EPHA6: variants seen among roughly 807,000 people sequenced by gnomAD.
The protein encoded by EPHA6 is ephrin type-A receptor 6.
In EPHA6, 50 loss-of-function variants were observed where a neutral mutation model predicts 112.0. The observed-to-expected ratio is 0.45, with a 90% CI of 0.36 to 0.56. EPHA6 has a LOEUF of 0.56. Among genes scored for constraint, EPHA6 ranks in the 20% least tolerant of loss-of-function variants. EPHA6 has a pLI of 0.00. For missense variants in EPHA6, 1,280 were observed against 1,417.4 expected, an observed-to-expected ratio of 0.90 and a Z score of 1.56; for synonymous variants, 529 against 490.7, an observed-to-expected ratio of 1.08 and a Z score of -1.03.
At chr3:96,878,139 A>G (rs1371917341) in intron 2 of EPHA6, among the ~76,000 whole-genome samples, 1 of 151,990 alleles carries the variant, frequency 6.6e-6, no homozygotes, top group African/African-American at 2.4e-5. Context: ...TCTCATATTC[A>G]TTATAAATAT....
intron 7 of EPHA6, among the ~76,000 whole-genome samples, chr3:97,457,927 G>T (rs2090746461): frequency 6.6e-6 from 1 of 151,958 alleles, no homozygotes; most frequent in South Asian, 2.1e-4. Flanking sequence ...AATTAGCCAG[G>T]CGTGGTAGCG....
At chr3:97,347,520 G>T (rs143957572) in intron 5 of EPHA6, among the ~76,000 whole-genome samples, 1 of 152,208 alleles carries the variant, frequency 6.6e-6, no homozygotes, top group African/African-American at 2.4e-5. Context: ...AGAGAATCAT[G>T]TATTCACACA....
intron 3 of EPHA6, among the ~76,000 whole-genome samples, chr3:97,204,727 A>G (rs939401308): frequency 6.6e-6 from 1 of 152,126 alleles, no homozygotes; most frequent in African/African-American, 2.4e-5. Flanking sequence ...AAAAAGGAAA[A>G]TTTATAAGTC....
At chr3:97,388,081 G>A (rs2086176658) in intron 5 of EPHA6, among the ~76,000 whole-genome samples, 1 of 152,100 alleles carries the variant, frequency 6.6e-6, no homozygotes, top group African/African-American at 2.4e-5. Context: ...TTCCTACCAG[G>A]CCCCTCCTCC....
At chr3:96,848,200 G>T (rs1392728342) in intron 1 of EPHA6, among the ~76,000 whole-genome samples, 2 of 151,858 alleles carry the variant, frequency 1.3e-5, no homozygotes, top group Admixed American at 6.6e-5. Context: ...GTATATTAAA[G>T]TTCTAAATGT....
At chr3:96,973,973 CAG>C (rs1000398127) in intron 2 of EPHA6, among the ~76,000 whole-genome samples, 5 of 142,244 alleles carry the variant, frequency 3.5e-5, no homozygotes, top group African/African-American at 1.0e-4. Flanking sequence ...CATATTATAA[CAG>C]AATCTTTATT....
chr3:96,854,519 A>G (rs142985393), intron 1 of EPHA6, among the ~76,000 whole-genome samples: 45 of 152,200 alleles, frequency 3.0e-4, no homozygotes, highest in African/African-American at 1.1e-3. Flanking sequence ...TGTTTTTCAC[A>G]TGAGATTGTA....
At chr3:97,060,608 T>C (rs1460625329) in intron 3 of EPHA6, among the ~76,000 whole-genome samples, 3 of 152,092 alleles carry the variant, frequency 2.0e-5, no homozygotes, top group African/African-American at 4.8e-5. Flanking sequence ...TTAATTAATA[T>C]GCTACATTAT....
intron 10 of EPHA6, among the ~76,000 whole-genome samples, chr3:97,499,246 A>C (rs772966516): frequency 1.2e-4 from 19 of 152,168 alleles, no homozygotes; most frequent in Admixed American, 3.3e-4. Context: ...TTCTGTTATC[A>C]TGGATAAAGA....
At chr3:97,143,855 G>A (rs1191983114) in intron 3 of EPHA6, among the ~76,000 whole-genome samples, 1 of 151,646 alleles carries the variant, frequency 6.6e-6, no homozygotes, top group Admixed American at 6.6e-5. Context: ...GTGAGAATAT[G>A]AGTACCATTG....
At chr3:97,479,512 G>A in intron 9 of EPHA6, 148 bp downstream of exon 9, 1 of 489,178 alleles carries the variant, frequency 2.0e-6, no homozygotes, top group Non-Finnish European at 3.5e-6. Context: ...CTGGTTTCCA[G>A]GTTTGTTGGT....
chr3:96,817,877 ATCTCT>A (rs2032926256), intron 1 of EPHA6, among the ~76,000 whole-genome samples: 1 of 151,894 alleles, frequency 6.6e-6, no homozygotes, highest in Admixed American at 6.6e-5. Context: ...TATAGAAAGG[ATCTCT>A]TCTCTTGTCT....
intron 13 of EPHA6, among the ~76,000 whole-genome samples, chr3:97,622,259 T>G (rs754684527): frequency 1.3e-5 from 2 of 151,778 alleles, no homozygotes; most frequent in Non-Finnish European, 2.9e-5. Flanking sequence ...CACTTCTCCC[T>G]TCCCCCAGCC....
intron 2 of EPHA6, among the ~76,000 whole-genome samples, chr3:96,959,345 A>C (rs2041877726): frequency 6.6e-6 from 1 of 152,124 alleles, no homozygotes; most frequent in East Asian, 1.9e-4. Context: ...GCCCATGTTA[A>C]AATTGGGTTA....
rs2036089817 is a variant in EPHA6 at position 97,758,917 on chromosome 3, A to C, written c.*10216A>C. Among the ~76,000 whole-genome samples the C allele has an allele frequency of 6.6e-6, 1 of 152,002 alleles. No individual in the cohort carries two copies. The highest frequency in any genetic ancestry group is 1.5e-5 in the Non-Finnish European group (1 of 67,872). On this transcript the variant is annotated 3_prime_UTR_variant, in exon 18 of 18. Coordinates refer to ENST00000389672, the MANE Select transcript of EPHA6 (RefSeq NM_001080448.3). ...GGCAAAAAGAGGAGAAGGTATACGC[A>C]TGAGGCTACTGGAGTAATTCCAGCA...
chr3:97,611,301 A>G (rs908539872), intron 13 of EPHA6, among the ~76,000 whole-genome samples: 1 of 151,910 alleles, frequency 6.6e-6, no homozygotes, highest in South Asian at 2.1e-4. Context: ...TGTTCTATCA[A>G]CTTTGTCCTT....
At chr3:97,026,208 G>A (rs1417075149) in intron 3 of EPHA6, among the ~76,000 whole-genome samples, 3 of 149,854 alleles carry the variant, frequency 2.0e-5, no homozygotes, top group Non-Finnish European at 3.0e-5. Context: ...GTAGTGTGAT[G>A]CCTCCAGCTT....
intron 3 of EPHA6, among the ~76,000 whole-genome samples, chr3:97,007,565 C>T (rs1385053712): frequency 6.6e-6 from 1 of 151,952 alleles, no homozygotes; most frequent in Non-Finnish European, 1.5e-5. Flanking sequence ...ATCCAAATCA[C>T]CAGTCTGTAT....
chr3:97,087,449 T>C (rs571972606), intron 3 of EPHA6, among the ~76,000 whole-genome samples: 121 of 152,280 alleles, frequency 7.9e-4, no homozygotes, highest in African/African-American at 2.6e-3. Context: ...GAAAGCTGAT[T>C]TATTTTTCCC....
Sources: allele counts gnomAD v4.1 joint callset (sites outside exome capture counted in the v4.1 genomes callset), GRCh38; gene constraint gnomAD v4.1.1; transcripts MANE v1.5; gene names NCBI Gene and HGNC (gene_info 2026-07-23, HGNC 2026-07-21).